The following CMIP variants were observed in gnomAD, a reference collection of about 807,000 sequenced individuals.
The protein encoded by CMIP is c-Maf inducing protein.
CMIP carries 13 observed loss-of-function variants against 97.3 expected under a neutral mutation model. The observed-to-expected ratio is 0.13, with a 90% CI of 0.09 to 0.21. The LOEUF is 0.21. CMIP is among the 10% of genes least tolerant of loss of function. CMIP has a pLI of 1.00. For missense variants in CMIP, 847 were observed against 1,024.9 expected, an observed-to-expected ratio of 0.83 and a Z score of 2.37; for synonymous variants, 538 against 436.3, an observed-to-expected ratio of 1.23 and a Z score of -2.91.
chr16:81,472,124 C>T (rs1411403464), intron 1 of CMIP, among the ~76,000 whole-genome samples: 1 of 152,240 alleles, frequency 6.6e-6, no homozygotes, highest in African/African-American at 2.4e-5. Flanking sequence ...CACATGTATG[C>T]ACGTGCACAC....
intron 1 of CMIP, among the ~76,000 whole-genome samples, chr16:81,594,520 G>C (rs570697412): frequency 6.6e-6 from 1 of 152,258 alleles, no homozygotes; most frequent in Non-Finnish European, 1.5e-5. Flanking sequence ...TATGTTCCAA[G>C]GCCCCCAGTG....
At chr16:81,571,274 A>T (rs1458877373) in intron 1 of CMIP, among the ~76,000 whole-genome samples, 1 of 152,136 alleles carries the variant, frequency 6.6e-6, no homozygotes, top group Non-Finnish European at 1.5e-5. Flanking sequence ...GTTTGAGACC[A>T]GCTTGGGCAA....
intron 1 of CMIP, among the ~76,000 whole-genome samples, chr16:81,522,706 G>C (rs2090051970): frequency 6.6e-6 from 1 of 152,092 alleles, no homozygotes; most frequent in Admixed American, 6.6e-5. Context: ...GCCCCGACTA[G>C]AGCATTGTTA....
At chr16:81,595,313 A>G (rs1486130819) in intron 1 of CMIP, among the ~76,000 whole-genome samples, 1 of 151,556 alleles carries the variant, frequency 6.6e-6, no homozygotes, top group Non-Finnish European at 1.5e-5. Context: ...GACATCTTAC[A>G]TAATTGGAAT....
chr16:81,509,650 G>C (rs147236730), intron 1 of CMIP, among the ~76,000 whole-genome samples: 2 of 152,210 alleles, frequency 1.3e-5, no homozygotes, highest in Non-Finnish European at 2.9e-5. Flanking sequence ...CCTAAGCAGA[G>C]CCCTACCCTA....
In CMIP at chr16:81,657,835, C is replaced by T. The variant is rs371937739; in HGVS notation, c.681+19C>T. 27 of 1,595,612 alleles carry T rather than the reference C, an allele frequency of 1.7e-5. No homozygotes were observed. Among genetic ancestry groups the T allele is most frequent in the South Asian group, 2.3e-5 (2 of 87,864 alleles). On this transcript the variant is annotated intron_variant, in intron 5 of 20. Coordinates refer to ENST00000537098, the MANE Select transcript of CMIP (RefSeq NM_198390.3). The stretch of plus-strand genomic sequence containing the variant: ...CATTGTGGTAAGTTCCTCTCGAACA[C>T]GCTCCCTCCACCCACCTCCGCCTCC...
At chr16:81,645,604 G>C in intron 3 of CMIP, 1 of 1,535,898 alleles carries the variant, frequency 6.5e-7, no homozygotes, top group Non-Finnish European at 8.7e-7. Flanking sequence ...CCCAGGTAAC[G>C]TCCCTTCCTT....
intron 7 of CMIP, chr16:81,664,847 C>T (rs1020559310): frequency 9.6e-5 from 19 of 198,646 alleles, no homozygotes; most frequent in Non-Finnish European, 1.6e-4. Context: ...CTTCATAGGA[C>T]GTATAAAAAC....
chr16:81,589,491 T>C (rs1250356900), intron 1 of CMIP, among the ~76,000 whole-genome samples: 1 of 152,064 alleles, frequency 6.6e-6, no homozygotes, highest in Admixed American at 6.5e-5. Context: ...GTGTTTTTTT[T>C]TTTTTTTTCC....
chr16:81,452,473 A>ACAAACAACTAAG (rs2150730090), intron 1 of CMIP, among the ~76,000 whole-genome samples: 1 of 152,286 alleles, frequency 6.6e-6, no homozygotes, highest in East Asian at 1.9e-4. Context: ...GTGGGAGTGG[A>ACAAACAACTAAG]CAAACAACTA....
Position 81,678,588 on chromosome 16 carries a change from G to T in CMIP, c.1348G>T (p.Asp450Tyr). The T allele has an allele frequency of 5.0e-6, 8 of 1,601,946 alleles. No individual in the cohort carries two copies. Among genetic ancestry groups the T allele is most frequent in the Non-Finnish European group, 6.0e-6 (7 of 1,173,800 alleles). The change falls in exon 10 of 21, where the codon GAC becomes TAC. Residue 450 changes from aspartate to tyrosine, a missense_variant. This residue lies in a region of CMIP where 202 missense variants were observed against 168.7 expected (regional missense o/e 1.20). Transcript: ENST00000537098. ...GAGCATCGAGCTGGGCCCCCAGGCC[G>T]ACCGCACGCTCGGCTGCTACGTGGA... ...TMSIELGPQA[D>Y]RTLGCYVEIL...
At chr16:81,497,288 G>A (rs1489623940) in intron 1 of CMIP, among the ~76,000 whole-genome samples, 1 of 152,208 alleles carries the variant, frequency 6.6e-6, no homozygotes, top group Non-Finnish European at 1.5e-5. Context: ...CCTCCGAGAT[G>A]TGTTTTTCAT....
chr16:81,473,201 G>A (rs967952027), intron 1 of CMIP, among the ~76,000 whole-genome samples: 1 of 152,256 alleles, frequency 6.6e-6, no homozygotes, highest in Non-Finnish European at 1.5e-5. Flanking sequence ...GTCGGCCTCT[G>A]TCTCTGCAGG....
At chr16:81,574,031 C>G (rs1296979161) in intron 1 of CMIP, among the ~76,000 whole-genome samples, 1 of 152,224 alleles carries the variant, frequency 6.6e-6, no homozygotes, top group Non-Finnish European at 1.5e-5. Flanking sequence ...ATAGTAGTCA[C>G]TAGCCACGTG....
intron 1 of CMIP, among the ~76,000 whole-genome samples, chr16:81,496,575 A>C (rs561315888): frequency 6.3e-4 from 96 of 152,364 alleles, no homozygotes; most frequent in African/African-American, 2.1e-3. Context: ...CGATGTCTCA[A>C]AGTAGCAAAG....
intron 1 of CMIP, among the ~76,000 whole-genome samples, chr16:81,589,795 T>TC (rs576937884): frequency 9.9e-5 from 15 of 152,240 alleles, no homozygotes; most frequent in Admixed American, 6.5e-5. Flanking sequence ...TGTCCCTTCC[T>TC]CCCTCTCTCA....
chr16:81,551,910 G>A (rs1191548229), intron 1 of CMIP, among the ~76,000 whole-genome samples: 2 of 152,234 alleles, frequency 1.3e-5, no homozygotes, highest in African/African-American at 2.4e-5. Context: ...CCGGTCCAGG[G>A]ACTTGAAACA....
chr16:81,645,758 TGG>T, intron 3 of CMIP: 1 of 754,496 alleles, frequency 1.3e-6, no homozygotes, highest in Non-Finnish European at 2.2e-6. Flanking sequence ...TCTACCTCCC[TGG>T]ACTACTCCTT....
chr16:81,479,433 C>T (rs968532912), intron 1 of CMIP, among the ~76,000 whole-genome samples: 3 of 152,110 alleles, frequency 2.0e-5, no homozygotes, highest in African/African-American at 7.2e-5. Context: ...GCACAACCAT[C>T]ACCCCCATCC....
Sources: gnomAD v4.1 joint callset for allele counts (sites outside exome capture counted in the v4.1 genomes callset) on GRCh38, gnomAD v4.1.1 for gene constraint, gnomAD v4.1.1 regional missense constraint, MANE v1.5 for transcripts, NCBI Gene and HGNC (gene_info 2026-07-23, HGNC 2026-07-21) for gene names.